RAP2B: variants seen among roughly 807,000 people sequenced by gnomAD.
RAP2B encodes the protein RAP2B, member of RAS oncogene family.
In RAP2B, 6 loss-of-function variants were observed where a neutral mutation model predicts 14.4. The observed-to-expected ratio is 0.42, with a 90% CI of 0.23 to 0.82. RAP2B has a LOEUF of 0.82. Ranked by LOEUF, RAP2B falls within the 40% of genes least tolerant of loss-of-function variation. The probability of loss-of-function intolerance (pLI) is 0.30; values close to 1 mark genes in which losing one functional copy is unlikely to be tolerated. For missense variants in RAP2B, 137 were observed against 248.2 expected, an observed-to-expected ratio of 0.55 and a Z score of 3.01; for synonymous variants, 118 against 113.2, an observed-to-expected ratio of 1.04 and a Z score of -0.27.
In RAP2B at chr3:153,163,084, G is replaced by A; in HGVS notation, c.391G>A (p.Gly131Ser). 6.2e-7 allele frequency: 1 copy of A among 1,613,956 alleles called. No individual in the cohort carries two copies. Among genetic ancestry groups the A allele is most frequent in the Non-Finnish European group, 8.5e-7 (1 of 1,180,036 alleles). ...EGEREVSYGE[G>S]KALAEEWSCP... The stretch of plus-strand genomic sequence containing the variant: ...TGAGCGCGAGGTCTCGTACGGGGAG[G>A]GCAAGGCCCTGGCTGAGGAGTGGAG... Residue 131 changes from glycine (G) to serine (S), a missense_variant, in exon 1 of 1, where the codon GGC (glycine) becomes AGC (serine). This residue lies in a region of RAP2B where 106 missense variants were observed against 143.5 expected (regional missense o/e 0.74). Transcript: ENST00000323534.
chr3:153,163,230 C>T lies in RAP2B; in HGVS notation c.537C>T (p.Ala179=), dbSNP rs760998154. The change falls in exon 1 of 1, where the codon GCC becomes GCT. Residue 179 remains alanine (A), a synonymous_variant. Coordinates refer to ENST00000323534, the MANE Select transcript of RAP2B (RefSeq NM_002886.4). ...ACGGCGATGAGGGCTGCTGCTCGGC[C>T]TGCGTGATCCTCTGAGGCGGCCACC... ...QPNGDEGCCS[A]CVIL 1.1e-5 allele frequency: 17 copies of T among 1,565,996 alleles called. No individual in the cohort carries two copies. The highest frequency in any genetic ancestry group is 1.7e-4 in the Middle Eastern group (1 of 5,930).
rs992154488 is a variant in RAP2B, at chr3:153,168,819, A to G, written c.*5574A>G. The stretch of plus-strand genomic sequence containing the variant: ...CAAAAGTTACAGACATTTATGGTTG[A>G]TAGTTTGAGATCTATGACAGTTTTA... On this transcript the variant is annotated 3_prime_UTR_variant, in exon 1 of 1. Coordinates refer to ENST00000323534, the MANE Select transcript of RAP2B (RefSeq NM_002886.4). The G allele has an allele frequency of 1.3e-5, 2 of 152,164 alleles. No individual in the cohort carries two copies. Among genetic ancestry groups the G allele is most frequent in the African/African-American group, 2.4e-5 (1 of 41,430 alleles). The allele number at this position is 152,164 out of a possible 1,614,324, so 9.4% of individuals were successfully genotyped here.
chr3:153,163,320 C>T lies in RAP2B; in HGVS notation c.*75C>T. The T allele has an allele frequency of 2.1e-6, 3 of 1,457,360 alleles. No individual in the cohort carries two copies. The highest frequency in any genetic ancestry group is 2.7e-6 in the Non-Finnish European group (3 of 1,104,402). The allele number at this position is 1,457,360 out of a possible 1,614,324, so 90.3% of individuals were successfully genotyped here. On this transcript the variant is annotated 3_prime_UTR_variant, in exon 1 of 1. Transcript: ENST00000323534. ...CCGACTCTCTAAATGTGATTTATTT[C>T]TTGCTTTGAGATTGGAGACCACTTT...
In RAP2B at chr3:153,162,676, G is replaced by T. The variant is rs1292482972; in HGVS notation, c.-18G>T. The T allele has an allele frequency of 1.9e-6, 3 of 1,578,022 alleles. No individual in the cohort carries two copies. The East Asian group carries it at 6.8e-5, about 36-fold the overall frequency. On this transcript the variant is annotated 5_prime_UTR_variant, in exon 1 of 1. Transcript: ENST00000323534. The surrounding 1 kb of genome is among the most constrained non-coding windows in gnomAD (Gnocchi z 4.9). ...CCGACGGGGCCGCGGCAGGCGCGGC[G>T]AGAGCGCTGACGGAGCCATGAGAGA...
rs1238884403 is a variant in RAP2B, at chr3:153,162,630, A to G, written c.-64A>G. 1.3e-6 allele frequency: 2 copies of G among 1,507,450 alleles called. No individual in the cohort carries two copies. Among genetic ancestry groups the G allele is most frequent in the African/African-American group, 1.4e-5 (1 of 71,776 alleles). The allele number at this position is 1,507,450 out of a possible 1,614,324, so 93.4% of individuals were successfully genotyped here. ...GAAGAGAAGTCCAGCCGCCAAGCCC[A>G]GCCTTCCCCGGCGCGCAGCCCCGAC... is the stretch of plus-strand genomic sequence containing the variant. On this transcript the variant is annotated 5_prime_UTR_variant, in exon 1 of 1. Transcript: ENST00000323534. The surrounding 1 kb of genome is among the most constrained non-coding windows in gnomAD (Gnocchi z 4.9).
rs1713696134 is a variant in RAP2B, at chr3:153,170,293, G to A, written c.*7048G>A. On this transcript the variant is annotated 3_prime_UTR_variant, in exon 1 of 1. Coordinates refer to ENST00000323534, the MANE Select transcript of RAP2B (RefSeq NM_002886.4). ...AACCTTAATTATCAAGAATATGGTT[G>A]CAGTGGAAATTGGTAAACAGCTGAA... The A allele has an allele frequency of 6.6e-6, 1 of 152,172 alleles. No homozygotes were observed. Among genetic ancestry groups the A allele is most frequent in the African/African-American group, 2.4e-5 (1 of 41,440 alleles). The allele number at this position is 152,172 out of a possible 1,614,324, so 9.4% of individuals were successfully genotyped here. A position where few individuals can be genotyped will look rare whatever the true frequency, so the allele number is the denominator to read the frequency against.
rs1273328696 is a variant in RAP2B at position 153,167,878 on chromosome 3, G to A, written c.*4633G>A. ...AGGGGAAAAAAAATTTGAAAAGTAT[G>A]TCTTCAATAAAAGGGGACACTTTAT... On this transcript the variant is annotated 3_prime_UTR_variant, in exon 1 of 1. Coordinates refer to ENST00000323534, the MANE Select transcript of RAP2B (RefSeq NM_002886.4). 2 of 166,898 alleles carry A rather than the reference G, an allele frequency of 1.2e-5. No homozygotes were observed. The highest frequency in any genetic ancestry group is 2.4e-5 in the African/African-American group (1 of 41,426). 10.3% of individuals were successfully genotyped at this position (166,898 alleles called of 1,614,324 possible).
chr3:153,163,080 G>A lies in RAP2B; in HGVS notation c.387G>A (p.Gly129=), dbSNP rs1267217898. The A allele has an allele frequency of 1.9e-6, 3 of 1,614,006 alleles. No homozygotes were observed. Among genetic ancestry groups the A allele is most frequent in the Non-Finnish European group, 2.5e-6 (3 of 1,180,046 alleles). ...DLEGEREVSY[G]EGKALAEEWS... ...AGGGTGAGCGCGAGGTCTCGTACGGGGAGGGCAAGGCCCTGGCTGAGGAGT... is the reference window on the plus strand; with the variant it reads ...AGGGTGAGCGCGAGGTCTCGTACGGAGAGGGCAAGGCCCTGGCTGAGGAGT... Residue 129 remains glycine (G), a synonymous_variant, in exon 1 of 1, where the codon GGG becomes GGA. Coordinates refer to ENST00000323534, the MANE Select transcript of RAP2B (RefSeq NM_002886.4).
chr3:153,169,365 C>T lies in RAP2B; in HGVS notation c.*6120C>T, dbSNP rs1713666713. ...TAGAGACAGCATTTCACCATACTGG[C>T]CAGGCTGGTCGTGAACTCCTGACCT... On this transcript the variant is annotated 3_prime_UTR_variant, in exon 1 of 1. Transcript: ENST00000323534. 1 of 152,134 alleles carries T rather than the reference C, an allele frequency of 6.6e-6. No homozygotes were observed. Among genetic ancestry groups the T allele is most frequent in the South Asian group, 2.1e-4 (1 of 4,826 alleles). 9.4% of individuals were successfully genotyped at this position (152,134 alleles called of 1,614,324 possible).
chr3:153,163,439 A>T lies in RAP2B; in HGVS notation c.*194A>T, dbSNP rs1019568734. The T allele has an allele frequency of 1.5e-6, 1 of 676,896 alleles. No individual in the cohort carries two copies. Among genetic ancestry groups the T allele is most frequent in the Non-Finnish European group, 2.5e-6 (1 of 403,276 alleles). 41.9% of individuals were successfully genotyped at this position (676,896 alleles called of 1,614,324 possible). A position where few individuals can be genotyped will look rare whatever the true frequency, so the allele number is the denominator to read the frequency against. ...CCCGAGGGGGTGTCCGGTCCTGCCC[A>T]TCCGATACTCTGGTGGAAATGTGGC... On this transcript the variant is annotated 3_prime_UTR_variant, in exon 1 of 1. Coordinates refer to ENST00000323534, the MANE Select transcript of RAP2B (RefSeq NM_002886.4).
Position 153,163,428 on chromosome 3 carries a change from C to T in RAP2B, c.*183C>T. ...TCCACCCTGTGCCCGAGGGGGTGTCCGGTCCTGCCCATCCGATACTCTGGT... is the reference window on the plus strand; with the variant it reads ...TCCACCCTGTGCCCGAGGGGGTGTCTGGTCCTGCCCATCCGATACTCTGGT... On this transcript the variant is annotated 3_prime_UTR_variant, in exon 1 of 1. Coordinates refer to ENST00000323534, the MANE Select transcript of RAP2B (RefSeq NM_002886.4). 4.1e-6 allele frequency: 3 copies of T among 731,442 alleles called. No individual in the cohort carries two copies. The highest frequency in any genetic ancestry group is 6.7e-6 in the Non-Finnish European group (3 of 449,534). The allele number at this position is 731,442 out of a possible 1,614,324, so 45.3% of individuals were successfully genotyped here.
At position 153,166,798 on chromosome 3, in the gene RAP2B, T is replaced by G. The variant is rs1250922486; in HGVS notation, c.*3553T>G. 2 of 166,580 alleles carry G rather than the reference T, an allele frequency of 1.2e-5. No individual in the cohort carries two copies. The highest frequency in any genetic ancestry group is 2.9e-5 in the Non-Finnish European group (2 of 68,100). 10.3% of individuals were successfully genotyped at this position (166,580 alleles called of 1,614,324 possible). ...TGTATGGGACTTCATGCTTCCTGAT[T>G]ATGTAATATTTCCTGTGGTTGGGAA... On this transcript the variant is annotated 3_prime_UTR_variant, in exon 1 of 1. Transcript: ENST00000323534.
At position 153,162,664 on chromosome 3, in the gene RAP2B, G is replaced by C; in HGVS notation, c.-30G>C. 6.4e-7 allele frequency: 1 copy of C among 1,566,178 alleles called. No individual in the cohort carries two copies. Among genetic ancestry groups the C allele is most frequent in the Non-Finnish European group, 8.6e-7 (1 of 1,156,776 alleles). On this transcript the variant is annotated 5_prime_UTR_variant, in exon 1 of 1. Transcript: ENST00000323534. The surrounding 1 kb of genome is among the most constrained non-coding windows in gnomAD (Gnocchi z 4.9). ...CGGCGCGCAGCCCCGACGGGGCCGC[G>C]GCAGGCGCGGCGAGAGCGCTGACGG...
Position 153,162,434 on chromosome 3 carries a change from C to G in RAP2B, c.-260C>G. 1 of 290,388 alleles carries G rather than the reference C, an allele frequency of 3.4e-6. No individual in the cohort carries two copies. The highest frequency in any genetic ancestry group is 6.3e-6 in the Non-Finnish European group (1 of 158,572). 18.0% of individuals were successfully genotyped at this position (290,388 alleles called of 1,614,324 possible). The stretch of plus-strand genomic sequence containing the variant: ...TGCGGGCATTGTCCTCTCGGTTCGC[C>G]GCCCGGGCTGCTGCTGCCGCCGCGG... On this transcript the variant is annotated 5_prime_UTR_variant, in exon 1 of 1. Transcript: ENST00000323534. The surrounding 1 kb of genome is among the most constrained non-coding windows in gnomAD (Gnocchi z 4.9).
At position 153,164,339 on chromosome 3, in the gene RAP2B, C is replaced by G. The variant is rs1052039289; in HGVS notation, c.*1094C>G. The G allele has an allele frequency of 6.0e-6, 1 of 167,128 alleles. No individual in the cohort carries two copies. Among genetic ancestry groups the G allele is most frequent in the African/African-American group, 2.4e-5 (1 of 41,452 alleles). 10.4% of individuals were successfully genotyped at this position (167,128 alleles called of 1,614,324 possible). Reference sequence around the variant, plus strand: ...CCGGTGCCAACCTGTGAACTTCCCACCATATCCCAGAATCTGCTATTCCCC... The same window carrying G: ...CCGGTGCCAACCTGTGAACTTCCCAGCATATCCCAGAATCTGCTATTCCCC... On this transcript the variant is annotated 3_prime_UTR_variant, in exon 1 of 1. Coordinates refer to ENST00000323534, the MANE Select transcript of RAP2B (RefSeq NM_002886.4).
In RAP2B at chr3:153,163,539, G is replaced by C. The variant is rs1265498788; in HGVS notation, c.*294G>C. Reference sequence around the variant, plus strand: ...CCGTTTAAGTAGCCGTTAGGGCGCAGTATCGGCAGCTTGACACCCACCAAG... The same window carrying C: ...CCGTTTAAGTAGCCGTTAGGGCGCACTATCGGCAGCTTGACACCCACCAAG... On this transcript the variant is annotated 3_prime_UTR_variant, in exon 1 of 1. Coordinates refer to ENST00000323534, the MANE Select transcript of RAP2B (RefSeq NM_002886.4). 2 of 323,120 alleles carry C rather than the reference G, an allele frequency of 6.2e-6. No homozygotes were observed. The highest frequency in any genetic ancestry group is 1.2e-5 in the Non-Finnish European group (2 of 167,930). The allele number at this position is 323,120 out of a possible 1,614,324, so 20.0% of individuals were successfully genotyped here.
rs2108016721 is a variant in RAP2B at position 153,166,757 on chromosome 3, G to T, written c.*3512G>T. 1 of 166,794 alleles carries T rather than the reference G, an allele frequency of 6.0e-6. No homozygotes were observed. 10.3% of individuals were successfully genotyped at this position (166,794 alleles called of 1,614,324 possible). ...CATTTTGGGACCAGATGTATTTGGG[G>T]ATAGAATTCTTTAAATGTATGGGAC... On this transcript the variant is annotated 3_prime_UTR_variant, in exon 1 of 1. Transcript: ENST00000323534.
At position 153,169,648 on chromosome 3, in the gene RAP2B, G is replaced by T. The variant is rs147351150; in HGVS notation, c.*6403G>T. The T allele has an allele frequency of 2.6e-5, 4 of 152,290 alleles. No homozygotes were observed. The highest frequency in any genetic ancestry group is 9.6e-5 in the African/African-American group (4 of 41,514). 9.4% of individuals were successfully genotyped at this position (152,290 alleles called of 1,614,324 possible). On this transcript the variant is annotated 3_prime_UTR_variant, in exon 1 of 1. Coordinates refer to ENST00000323534, the MANE Select transcript of RAP2B (RefSeq NM_002886.4). ...TTTAGTAGAGATGGGGTTTCACTAC[G>T]TTGGTCAGGATGGTCTTGAACTTCT...
At position 153,166,689 on chromosome 3, in the gene RAP2B, A is replaced by G. The variant is rs1454795641; in HGVS notation, c.*3444A>G. ...TTTGAGAGTTACGGTTCTTTCGTAG[A>G]ACAATTTCCATGTTGTTAACTGTTG... On this transcript the variant is annotated 3_prime_UTR_variant, in exon 1 of 1. Coordinates refer to ENST00000323534, the MANE Select transcript of RAP2B (RefSeq NM_002886.4). The G allele has an allele frequency of 6.0e-6, 1 of 167,066 alleles. No homozygotes were observed. Among genetic ancestry groups the G allele is most frequent in the East Asian group, 1.9e-4 (1 of 5,206 alleles). The allele number at this position is 167,066 out of a possible 1,614,324, so 10.3% of individuals were successfully genotyped here.
Sources: allele counts gnomAD v4.1 joint callset, GRCh38; gene constraint gnomAD v4.1.1; regional missense constraint gnomAD v4.1.1; non-coding constraint Gnocchi (gnomAD v3.1); transcripts MANE v1.5; gene names NCBI Gene and HGNC (gene_info 2026-07-23, HGNC 2026-07-21).